ZYG11B: variants seen among roughly 807,000 people sequenced by gnomAD.
The protein encoded by ZYG11B is zyg-11 family member B, cell cycle regulator.
A neutral mutation model predicts 82.4 loss-of-function variants in ZYG11B; 36 were observed. The ratio of observed to expected loss-of-function variants is 0.44; its 90% CI spans 0.33 to 0.58. The LOEUF (loss-of-function observed/expected upper bound fraction) is 0.58, where lower values mean the gene tolerates loss of function less well. Among genes scored for constraint, ZYG11B ranks in the 20% least tolerant of loss-of-function variants. ZYG11B has a pLI of 0.02. For synonymous variants in ZYG11B, 303 were observed against 312.8 expected (o/e 0.97, Z 0.33); for missense variants, 552 against 895.6 (o/e 0.62, Z 4.90).
At chr1:52,815,224 T>C (rs1571802038) in intron 12 of ZYG11B, among the ~76,000 whole-genome samples, 1 of 151,742 alleles carries the variant, frequency 6.6e-6, no homozygotes, top group African/African-American at 2.4e-5. Flanking sequence ...ATACTGGGCC[T>C]GGCATGGTGG....
chr1:52,743,169 G>A (rs1390532142), intron 1 of ZYG11B, among the ~76,000 whole-genome samples: 1 of 152,056 alleles, frequency 6.6e-6, no homozygotes, highest in Non-Finnish European at 1.5e-5. Context: ...TGTCTGTGTA[G>A]AGGGAAGTAG....
chr1:52,784,492 A>T (rs1644896535), intron 4 of ZYG11B, among the ~76,000 whole-genome samples: 1 of 152,232 alleles, frequency 6.6e-6, no homozygotes, highest in Non-Finnish European at 1.5e-5. Context: ...ATTGCACTTT[A>T]ACCTCAGCAG....
intron 8 of ZYG11B, among the ~76,000 whole-genome samples, chr1:52,797,426 A>C (rs1482041271): frequency 9.7e-6 from 1 of 102,754 alleles, no homozygotes; most frequent in Admixed American, 1.4e-4. Flanking sequence ...TATTATACAT[A>C]TTATATATAA....
chr1:52,794,076 G>A (rs1225452743), intron 6 of ZYG11B, among the ~76,000 whole-genome samples: 2 of 151,940 alleles, frequency 1.3e-5, no homozygotes, highest in Non-Finnish European at 2.9e-5. Flanking sequence ...CCGGGTTCAA[G>A]TGATTCTCCT....
intron 2 of ZYG11B, among the ~76,000 whole-genome samples, chr1:52,763,276 C>T (rs1440210460): frequency 6.6e-6 from 1 of 152,056 alleles, no homozygotes; most frequent in African/African-American, 2.4e-5. Flanking sequence ...TTGGGCTATT[C>T]ATGGTCTTTT....
rs1645301033 is a variant in ZYG11B at position 52,823,517 on chromosome 1, AG to A, written c.*1889del. The A allele has an allele frequency of 6.7e-6, 1 of 149,862 alleles. No individual in the cohort carries two copies. Among genetic ancestry groups the A allele is most frequent in the African/African-American group, 2.5e-5 (1 of 39,948 alleles). The allele number at this position is 149,862 out of a possible 1,614,324, so 9.3% of individuals were successfully genotyped here. On this transcript the variant is annotated 3_prime_UTR_variant, in exon 14 of 14. Coordinates refer to ENST00000294353, the MANE Select transcript of ZYG11B (RefSeq NM_024646.3). The stretch of plus-strand genomic sequence containing the variant: ...AGACAAAATAGAGAATTCTTTTAAA[AG>A]TTTTTTTTTTTTTTTTCCTTTTTCG...
chr1:52,802,340 C>CTTTTTTTT (rs397980205), intron 10 of ZYG11B, among the ~76,000 whole-genome samples: 16 of 78,074 alleles, frequency 2.0e-4, no homozygotes, highest in Non-Finnish European at 2.6e-4. Context: ...TTCTTTCTCT[C>CTTTTTTTT]TTTTTTTTTT....
At chr1:52,773,625 ATATTTTTTTTTTTTTTTT>A (rs1477917458) in intron 3 of ZYG11B, among the ~76,000 whole-genome samples, 34 of 30,518 alleles carry the variant, frequency 1.1e-3, no homozygotes, top group African/African-American at 3.8e-3. Flanking sequence ...ATATATATAT[ATATTTTTTTTTTTTTTTT>A]TTTTTTTTTT....
At chr1:52,786,717 G>T (rs1047090942) in intron 5 of ZYG11B, among the ~76,000 whole-genome samples, 1 of 152,118 alleles carries the variant, frequency 6.6e-6, no homozygotes, top group African/African-American at 2.4e-5. Context: ...GGCACTCAAG[G>T]CTGCCATGAA....
intron 6 of ZYG11B, among the ~76,000 whole-genome samples, chr1:52,792,969 TA>T (rs1047584629): frequency 6.6e-6 from 1 of 152,082 alleles, no homozygotes; most frequent in African/African-American, 2.4e-5. Context: ...GTCTCCTGAG[TA>T]GCTGTGACTA....
rs182145190 is a variant in ZYG11B at position 52,802,298 on chromosome 1, G to A, written c.1695+159G>A. On this transcript the variant is annotated intron_variant, in intron 10 of 13. Coordinates refer to ENST00000294353, the MANE Select transcript of ZYG11B (RefSeq NM_024646.3). ...ACTATTCCCAATACCTCACCATGAT[G>A]ACTTGAAATATGGTCTGCAATAGCA... Among the ~76,000 whole-genome samples the A allele has an allele frequency of 8.1e-5, 12 of 148,158 alleles. No individual in the cohort carries two copies. The East Asian group carries it at 2.2e-3, about 27-fold the overall frequency.
chr1:52,737,906 G>C (rs1306604879), intron 1 of ZYG11B, among the ~76,000 whole-genome samples: 1 of 152,240 alleles, frequency 6.6e-6, no homozygotes, highest in Non-Finnish European at 1.5e-5. Context: ...GGGAAAAGAG[G>C]TTGGGTAGGT....
intron 7 of ZYG11B, 90 bp from the exon 8 acceptor site, chr1:52,796,644 G>T: frequency 8.7e-7 from 1 of 1,149,140 alleles, no homozygotes; most frequent in Non-Finnish European, 1.3e-6. Context: ...AGAGATTTTA[G>T]TCTCACCTTT....
At chr1:52,762,755 T>A (rs556185378) in intron 2 of ZYG11B, among the ~76,000 whole-genome samples, 40 of 151,842 alleles carry the variant, frequency 2.6e-4, no homozygotes, top group African/African-American at 8.5e-4. Context: ...CTAATTTTTG[T>A]ATTTTTAGTA....
At chr1:52,805,364 T>C (rs1645133591) in intron 10 of ZYG11B, 1 of 407,522 alleles carries the variant, frequency 2.5e-6, no homozygotes, top group Non-Finnish European at 5.0e-6. Flanking sequence ...GGAAGACCTA[T>C]CTGTTGTTGT....
At chr1:52,736,330 A>G (rs1017174421) in intron 1 of ZYG11B, among the ~76,000 whole-genome samples, 2 of 152,118 alleles carry the variant, frequency 1.3e-5, no homozygotes, top group African/African-American at 4.8e-5. Context: ...CCCAAGCTGA[A>G]GTGCAGTGGC....
intron 13 of ZYG11B, among the ~76,000 whole-genome samples, chr1:52,818,794 GTTT>G (rs771697972): frequency 7.3e-6 from 1 of 136,934 alleles, no homozygotes; most frequent in African/African-American, 2.7e-5. Flanking sequence ...TTTCGCTTGG[GTTT>G]TTTTTTTTTT....
Position 52,726,486 on chromosome 1 carries a change from G to GCTGCGGCTGCGGCTGCTA in ZYG11B, c.-163_-146dup. The GCTGCGGCTGCGGCTGCTA allele has an allele frequency of 1.7e-6, 1 of 578,364 alleles. No individual in the cohort carries two copies. 35.8% of individuals were successfully genotyped at this position (578,364 alleles called of 1,614,324 possible). A position where few individuals can be genotyped will look rare whatever the true frequency, so the allele number is the denominator to read the frequency against. Reference sequence around the variant, plus strand: ...CGCTCTGGTTCGGGCTGCGGCTGCGGCTGCGGCTGCGGCTGCTACTGCTAC... The same window carrying GCTGCGGCTGCGGCTGCTA: ...CGCTCTGGTTCGGGCTGCGGCTGCGGCTGCGGCTGCGGCTGCTACTGCGGCTGCGGCTGCTACTGCTAC... On this transcript the variant is annotated 5_prime_UTR_variant, in exon 1 of 14. Coordinates refer to ENST00000294353, the MANE Select transcript of ZYG11B (RefSeq NM_024646.3).
Position 52,726,590 on chromosome 1 carries a change from G to A in ZYG11B, c.-64G>A. 1 of 1,363,880 alleles carries A rather than the reference G, an allele frequency of 7.3e-7. No individual in the cohort carries two copies. Among genetic ancestry groups the A allele is most frequent in the Non-Finnish European group, 9.4e-7 (1 of 1,067,096 alleles). 84.5% of individuals were successfully genotyped at this position (1,363,880 alleles called of 1,614,324 possible). On this transcript the variant is annotated 5_prime_UTR_variant, in exon 1 of 14. Transcript: ENST00000294353. ...CTCGCCGGAGCCTCCTGGAGCCTCC[G>A]CGCCGGCTCAGCCTGGGGGCGGGCT... is the stretch of plus-strand genomic sequence containing the variant.
Sources: allele counts gnomAD v4.1 joint callset (sites outside exome capture counted in the v4.1 genomes callset), GRCh38; gene constraint gnomAD v4.1.1; transcripts MANE v1.5; gene names NCBI Gene and HGNC (gene_info 2026-07-23, HGNC 2026-07-21).